Variants in ARPP21 observed in about 807,000 individuals in gnomAD.
ARPP21 encodes the protein cAMP regulated phosphoprotein 21, also known as cAMP-regulated phosphoprotein 21.
A neutral mutation model predicts 113.2 loss-of-function variants in ARPP21; 69 were observed. The observed-to-expected ratio is 0.61, with a 90% CI of 0.50 to 0.74. The LOEUF (loss-of-function observed/expected upper bound fraction) is 0.74. Ranked by LOEUF, ARPP21 falls within the 30% of genes least tolerant of loss-of-function variation. The pLI, the probability that ARPP21 is intolerant of heterozygous loss-of-function variation, is 0.00. For synonymous variants in ARPP21, 368 were observed against 375.5 expected (o/e 0.98, Z 0.23); for missense variants, 1,070 against 1,037.4 (o/e 1.03, Z -0.43).
At chr3:35,733,699 C>CTTTT (rs908518543) in intron 15 of ARPP21, among the ~76,000 whole-genome samples, 78 of 152,278 alleles carry the variant, frequency 5.1e-4, no homozygotes, top group African/African-American at 1.9e-3. Flanking sequence ...TAGGAAATTG[C>CTTTT]TTTTGTTCTG....
intron 9 of ARPP21, among the ~76,000 whole-genome samples, chr3:35,701,438 T>G (rs537177653): frequency 3.8e-4 from 57 of 151,876 alleles, no homozygotes; most frequent in African/African-American, 1.3e-3. Context: ...AGTATATCTA[T>G]CTGACCTGTG....
chr3:35,703,650 A>C (rs920954129), intron 9 of ARPP21, among the ~76,000 whole-genome samples: 1 of 151,926 alleles, frequency 6.6e-6, no homozygotes, highest in Non-Finnish European at 1.5e-5. Flanking sequence ...CCAGAAAAAA[A>C]AAAGTTAGGC....
At chr3:35,659,443 A>G (rs544732280) in intron 1 of ARPP21, among the ~76,000 whole-genome samples, 1 of 152,334 alleles carries the variant, frequency 6.6e-6, no homozygotes, top group East Asian at 1.9e-4. Context: ...TTTATAGAAG[A>G]CATTTACATT....
chr3:35,675,230 T>C (rs1244292307), intron 1 of ARPP21, among the ~76,000 whole-genome samples: 1 of 150,642 alleles, frequency 6.6e-6, no homozygotes, highest in African/African-American at 2.5e-5. Context: ...AGACTCTTAA[T>C]AGAATGATGT....
chr3:35,782,849 C>T (rs1310358986), intron 19 of ARPP21, among the ~76,000 whole-genome samples: 1 of 152,162 alleles, frequency 6.6e-6, no homozygotes, highest in Non-Finnish European at 1.5e-5. Flanking sequence ...CTGCTCCTTT[C>T]TCTGCCCAGC....
intron 1 of ARPP21, among the ~76,000 whole-genome samples, chr3:35,653,706 T>C (rs1703497482): frequency 6.6e-6 from 1 of 152,100 alleles, no homozygotes; most frequent in Non-Finnish European, 1.5e-5. Context: ...ATTTTCTTCA[T>C]GAGTTACGTA....
intron 19 of ARPP21, among the ~76,000 whole-genome samples, chr3:35,776,788 C>T (rs887796652): frequency 2.6e-5 from 4 of 152,038 alleles, no homozygotes; most frequent in African/African-American, 9.7e-5. Flanking sequence ...CCTAAAATTA[C>T]AGCCCAGAAA....
intron 15 of ARPP21, 56 bp downstream of exon 15, chr3:35,729,592 G>A (rs2093797767): frequency 6.9e-6 from 10 of 1,443,988 alleles, no homozygotes; most frequent in Non-Finnish European, 9.7e-6. Context: ...TTGTTCTTAT[G>A]TTTGATCTTA....
At chr3:35,677,974 G>A (rs925237266) in intron 1 of ARPP21, among the ~76,000 whole-genome samples, 2 of 151,972 alleles carry the variant, frequency 1.3e-5, no homozygotes, top group South Asian at 4.1e-4. Flanking sequence ...TTTTATCTTG[G>A]TAGATGATGA....
chr3:35,772,783 C>T (rs1311833030), intron 19 of ARPP21, among the ~76,000 whole-genome samples: 1 of 152,134 alleles, frequency 6.6e-6, no homozygotes, highest in Non-Finnish European at 1.5e-5. Flanking sequence ...AATGAAAGAG[C>T]TTTGGATGCC....
At chr3:35,647,803 C>T (rs1261775704) in intron 1 of ARPP21, among the ~76,000 whole-genome samples, 2 of 152,150 alleles carry the variant, frequency 1.3e-5, no homozygotes, top group Non-Finnish European at 2.9e-5. Context: ...AACTCAACAA[C>T]TTGCTAGTTG....
chr3:35,670,440 T>C (rs1413456448), intron 1 of ARPP21, among the ~76,000 whole-genome samples: 2 of 151,948 alleles, frequency 1.3e-5, no homozygotes, highest in African/African-American at 4.8e-5. Flanking sequence ...TATGAGGAGG[T>C]TGACATCATC....
Position 35,787,066 on chromosome 3 carries a change from T to C in ARPP21, c.2138-5316T>C, listed in dbSNP as rs1469825855. Among the ~76,000 whole-genome samples the C allele has an allele frequency of 2.0e-5, 3 of 152,182 alleles. No individual in the cohort carries two copies. In the South Asian group the frequency reaches 6.2e-4, roughly 31 times the overall value. On this transcript the variant is annotated intron_variant, in intron 19 of 20. Transcript: ENST00000684406. ...AGTGAGACAGGAAAAAAATCCATAG[T>C]GTTCACAGAATTAGAAAGCAGACTG...
intron 19 of ARPP21, among the ~76,000 whole-genome samples, chr3:35,755,524 G>T (rs1250713546): frequency 6.6e-6 from 1 of 151,890 alleles, no homozygotes; most frequent in African/African-American, 2.4e-5. Flanking sequence ...TTCTGCACAT[G>T]TCTCTCCATT....
rs575243103 is a variant in ARPP21 at position 35,724,744 on chromosome 3, G to A, written c.1225+2910G>A. ...TTGCCTACATCCTGGAGTGTTTTTT[G>A]ATCCAATGCAAGACACCCCATGTTT... On this transcript the variant is annotated intron_variant, in intron 14 of 20. Coordinates refer to ENST00000684406, the MANE Select transcript of ARPP21 (RefSeq NM_001385562.1). 7.2e-5 allele frequency among the ~76,000 whole-genome samples: 11 copies of A among 152,118 alleles called. No homozygotes were observed. In the East Asian group the frequency reaches 2.1e-3, roughly 29 times the overall value.
At chr3:35,739,712 G>T in intron 18 of ARPP21, 135 bp downstream of exon 18, 1 of 1,222,616 alleles carries the variant, frequency 8.2e-7, no homozygotes, top group Non-Finnish European at 1.1e-6. Context: ...TCACCAACAG[G>T]AAGTAGTATA....
chr3:35,792,089 A>T, intron 19 of ARPP21: 1 of 264,312 alleles, frequency 3.8e-6, no homozygotes, highest in Admixed American at 5.0e-5. Flanking sequence ...AATTGGTATC[A>T]ATAGAGTCTT....
intron 1 of ARPP21, among the ~76,000 whole-genome samples, chr3:35,671,876 G>T (rs986506991): frequency 1.3e-5 from 2 of 151,956 alleles, no homozygotes; most frequent in African/African-American, 4.8e-5. Context: ...TGCAATTAAT[G>T]ATGCCATCAC....
chr3:35,713,197 G>A (rs1000933038), intron 11 of ARPP21, among the ~76,000 whole-genome samples: 5 of 151,890 alleles, frequency 3.3e-5, no homozygotes, highest in Non-Finnish European at 7.4e-5. Context: ...CTTAATTACT[G>A]TGACAATTTT....
Sources: allele counts gnomAD v4.1 joint callset (sites outside exome capture counted in the v4.1 genomes callset), GRCh38; gene constraint gnomAD v4.1.1; transcripts MANE v1.5; gene names NCBI Gene and HGNC (gene_info 2026-07-23, HGNC 2026-07-21).